TRPM1: variants seen among roughly 807,000 people sequenced by gnomAD.
The protein encoded by TRPM1 is transient receptor potential cation channel subfamily M member 1, also known as TRPM1-203 APA Isoform, Intron 10.
Under a neutral mutation model 149.4 loss-of-function variants are expected in TRPM1, and 113 were observed. The ratio of observed to expected loss-of-function variants is 0.76; its 90% confidence interval spans 0.65 to 0.88. The LOEUF (loss-of-function observed/expected upper bound fraction) is 0.88, where lower values mean the gene tolerates loss of function less well. TRPM1 is among the 40% of genes least tolerant of loss of function. TRPM1 has a pLI of 0.00. For synonymous variants in TRPM1, 741 were observed against 759.5 expected, an observed-to-expected ratio of 0.98 and a Z score of 0.40; for missense variants, 1,976 against 2,038.7, an observed-to-expected ratio of 0.97 and a Z score of 0.59.
In TRPM1 at chr15:31,070,113, A is replaced by ACC. The variant is rs746943446; in HGVS notation, c.196_197insGG (p.Val66GlyfsTer47). 1 of 1,614,096 alleles carries ACC rather than the reference A, an allele frequency of 6.2e-7. No homozygotes were observed. The highest frequency in any genetic ancestry group is 1.3e-5 in the African/African-American group (1 of 75,042). On this transcript the variant is annotated frameshift_variant, in exon 4 of 28. Coordinates refer to ENST00000256552, the MANE Select transcript of TRPM1 (RefSeq NM_001252024.2). LOFTEE classifies it high-confidence loss of function. ...TGGGTAGCTCTGGGTGTGCTTGGCA[A>ACC]CAGACCATTTCTCAGGCTGAGTCTC...
At chr15:31,004,045 T>G (rs1340746866) in intron 27 of TRPM1, among the ~76,000 whole-genome samples, 1 of 152,214 alleles carries the variant, frequency 6.6e-6, no homozygotes, top group Non-Finnish European at 1.5e-5. Context: ...AAAGTTGAAT[T>G]TGTCCCCAGG....
Position 31,001,989 on chromosome 15 carries a change from T to C in TRPM1, c.4711A>G (p.Arg1571Gly), listed in dbSNP as rs764306253. ...PDQTLGFPSL[R>G]SKSLHGHPRN... ...GGATGTCCATGTAAACTTTTTGACC[T>C]GAGAGATGGGAATCCCAAAGTTTGA... The change falls in exon 28 of 28, where the codon AGG becomes GGG. Residue 1571 changes from arginine (R) to glycine (G), a missense_variant. Arg to Gly is a moderately radical substitution (Grantham distance 125). Transcript: ENST00000256552. The C allele has an allele frequency of 3.7e-6, 6 of 1,614,200 alleles. No homozygotes were observed. Among genetic ancestry groups the C allele is most frequent in the Non-Finnish European group, 3.4e-6 (4 of 1,180,032 alleles).
intron 27 of TRPM1, among the ~76,000 whole-genome samples, chr15:31,018,314 G>C (rs553261159): frequency 7.9e-5 from 12 of 151,704 alleles, no homozygotes; most frequent in African/African-American, 2.7e-4. Flanking sequence ...GCCTCCCAAA[G>C]TGCTGGGATT....
At chr15:31,021,553 G>A (rs552041570) in intron 27 of TRPM1, among the ~76,000 whole-genome samples, 1 of 152,136 alleles carries the variant, frequency 6.6e-6, no homozygotes, top group South Asian at 2.1e-4. Context: ...AAAATTAGCT[G>A]GGTGTGGTGG....
At position 31,089,348 on chromosome 15, in the gene TRPM1, A is replaced by G. The variant is rs116136579; in HGVS notation, c.-83-7910T>C. Among the ~76,000 whole-genome samples, 397 of 152,244 alleles carry G rather than the reference A, an allele frequency of 2.6e-3. 1 individual carries two copies. The highest frequency in any genetic ancestry group is 9.3e-3 in the African/African-American group (387 of 41,526). On this transcript the variant is annotated intron_variant, in intron 1 of 27. Coordinates refer to ENST00000256552, the MANE Select transcript of TRPM1 (RefSeq NM_001252024.2). Reference sequence around the variant, plus strand: ...TGTTAACTTTTCCCACTTGGTTCAAAATCCGGGAGGCTATCTTGGTAAGTA... The same window carrying G: ...TGTTAACTTTTCCCACTTGGTTCAAGATCCGGGAGGCTATCTTGGTAAGTA...
At position 31,126,225 on chromosome 15, in the gene TRPM1, T is replaced by C. The variant is rs548259748; in HGVS notation, c.54+34681A>G. 3.4e-3 allele frequency among the ~76,000 whole-genome samples: 515 copies of C among 152,056 alleles called. 1 individual carries two copies. Among genetic ancestry groups the C allele is most frequent in the Non-Finnish European group, 5.5e-3 (373 of 67,982 alleles). ...ACAATAAGAAATCATAATAAGAAATTTAAACACATCTTTCACAGTAATTGA... is the reference window on the plus strand; with the variant it reads ...ACAATAAGAAATCATAATAAGAAATCTAAACACATCTTTCACAGTAATTGA... On this transcript the variant is annotated intron_variant, in intron 1 of 26. Transcript: ENST00000542188.
intron 27 of TRPM1, 148 bp downstream of exon 27, chr15:31,025,991 G>A (rs1279878854): frequency 2.5e-5 from 28 of 1,140,738 alleles, no homozygotes; most frequent in Non-Finnish European, 3.1e-5. Flanking sequence ...TCACTATTTC[G>A]TGGGAACCAC....
intron 11 of TRPM1, among the ~76,000 whole-genome samples, chr15:31,056,776 T>G (rs2034098325): frequency 6.6e-6 from 1 of 152,144 alleles, no homozygotes; most frequent in Non-Finnish European, 1.5e-5. Flanking sequence ...TCTCTTACCC[T>G]TTCACCTCCC....
rs2032895917 is a variant in TRPM1 at position 31,028,456 on chromosome 15, A to G, written c.3169T>C (p.Tyr1057His). The G allele has an allele frequency of 3.1e-6, 5 of 1,614,006 alleles. No homozygotes were observed. Among genetic ancestry groups the G allele is most frequent in the South Asian group, 2.2e-5 (2 of 91,082 alleles). ...GGAAGCCGCTTGCCCTCCTCATCAT[A>G]TAGGTTCTCACCACAAGGAGCTGAA... ...EINPPCGENL[Y>H]DEEGKRLPPC... The change falls in exon 25 of 28, where the codon TAT becomes CAT. Residue 1057 changes from tyrosine (Y) to histidine (H), a missense_variant. By Grantham distance (83) the Tyr-to-His change is moderately conservative. This residue lies in a region of TRPM1 where 1,332 missense variants were observed against 1,347.1 expected (regional missense o/e 0.99). Transcript: ENST00000256552.
intron 23 of TRPM1, among the ~76,000 whole-genome samples, chr15:31,029,757 A>G (rs1052301502): frequency 6.6e-6 from 1 of 152,154 alleles, no homozygotes; most frequent in African/African-American, 2.4e-5. Flanking sequence ...CAACACAAAC[A>G]CCTCATAAGC....
Position 31,004,827 on chromosome 15 carries a change from C to G in TRPM1, c.3630-1757G>C, listed in dbSNP as rs1013214094. ...TTAAAAATAATGGCTCCTGGCCGCA[C>G]GCAGTGGCTCACACCTGTAATCCCA... On this transcript the variant is annotated intron_variant, in intron 27 of 27. Coordinates refer to ENST00000256552, the MANE Select transcript of TRPM1 (RefSeq NM_001252024.2). 2.0e-5 allele frequency among the ~76,000 whole-genome samples: 3 copies of G among 152,114 alleles called. No individual in the cohort carries two copies. The South Asian group carries it at 6.2e-4, about 32-fold the overall frequency.
chr15:31,034,586 G>A (rs12904035), intron 21 of TRPM1, among the ~76,000 whole-genome samples: 25,379 of 152,226 alleles, frequency 0.17, 2,383 homozygotes, highest in Admixed American at 0.21. Context: ...CAAGGACAGG[G>A]TCCACCTGAA....
At chr15:31,127,740 G>A (rs915563884) in intron 1 of TRPM1, among the ~76,000 whole-genome samples, 2 of 152,158 alleles carry the variant, frequency 1.3e-5, no homozygotes, top group Admixed American at 6.5e-5. Flanking sequence ...AAGGGGTGGA[G>A]GGTGAGCATC....
chr15:31,036,289 T>G (rs1019426258), intron 20 of TRPM1, among the ~76,000 whole-genome samples: 3 of 151,962 alleles, frequency 2.0e-5, no homozygotes, highest in African/African-American at 7.3e-5. Flanking sequence ...GGGGAGGACG[T>G]CTGAAGTAGA....
At chr15:31,105,468 TGTGTGC>T (rs765756466), upstream of TRPM1, among the ~76,000 whole-genome samples, 976 of 131,420 alleles carry the variant, frequency 7.4e-3, 16 homozygotes, top group African/African-American at 0.036. Context: ...TGTGTGTGTG[TGTGTGC>T]GCGCGCGCGC....
intron 22 of TRPM1, among the ~76,000 whole-genome samples, chr15:31,032,351 C>A (rs1322490499): frequency 6.6e-6 from 1 of 151,844 alleles, no homozygotes; most frequent in Admixed American, 6.6e-5. Flanking sequence ...AGAAGGGAGA[C>A]AGTATATATT....
chr15:31,086,742 C>T (rs1456424377), intron 1 of TRPM1, among the ~76,000 whole-genome samples: 1 of 152,190 alleles, frequency 6.6e-6, no homozygotes, highest in Non-Finnish European at 1.5e-5. Context: ...CAAAGCATTT[C>T]TCCCCTGGTC....
At chr15:31,119,667 G>A (rs1179947098) in intron 1 of TRPM1, among the ~76,000 whole-genome samples, 2 of 151,650 alleles carry the variant, frequency 1.3e-5, no homozygotes, top group Admixed American at 6.6e-5. Flanking sequence ...TAACAACAAT[G>A]TATTTGGCGA....
intron 27 of TRPM1, among the ~76,000 whole-genome samples, chr15:31,021,121 C>T (rs533498149): frequency 6.6e-6 from 1 of 152,248 alleles, no homozygotes; most frequent in African/African-American, 2.4e-5. Flanking sequence ...ATCCAAGCAA[C>T]CTTGAACCCT....
Sources: allele counts gnomAD v4.1 joint callset (sites outside exome capture counted in the v4.1 genomes callset), GRCh38; gene constraint gnomAD v4.1.1; regional missense constraint gnomAD v4.1.1; transcripts MANE v1.5; gene names NCBI Gene and HGNC (gene_info 2026-07-23, HGNC 2026-07-21).